PLPPR1: variants seen among roughly 807,000 people sequenced by gnomAD.
PLPPR1 encodes the protein phospholipid phosphatase-related protein type 1.
In PLPPR1, 10 loss-of-function variants were observed where a neutral mutation model predicts 33.1. The observed-to-expected ratio is 0.30, with a 90% confidence interval of 0.19 to 0.51. PLPPR1 has a LOEUF of 0.51. Among genes scored for constraint, PLPPR1 ranks in the 20% least tolerant of loss-of-function variants. PLPPR1 has a pLI of 0.97. For synonymous variants in PLPPR1, 151 were observed against 151.0 expected (o/e 1.00, Z 0.00); for missense variants, 304 against 408.1 (o/e 0.74, Z 2.20).
chr9:101,195,520 C>A (rs1488536189), intron 2 of PLPPR1, among the ~76,000 whole-genome samples: 1 of 151,964 alleles, frequency 6.6e-6, no homozygotes, highest in Non-Finnish European at 1.5e-5. Flanking sequence ...CTAAAGAGTT[C>A]AAGCAGAGAC....
intron 1 of PLPPR1, among the ~76,000 whole-genome samples, chr9:101,182,974 T>C (rs1212876701): frequency 6.6e-6 from 1 of 151,584 alleles, no homozygotes; most frequent in Admixed American, 6.6e-5. Context: ...ATAGCTATAA[T>C]AAAAAAGATA....
intron 1 of PLPPR1, among the ~76,000 whole-genome samples, chr9:101,029,726 C>A (rs1240353855): frequency 6.6e-6 from 1 of 152,074 alleles, no homozygotes; most frequent in Non-Finnish European, 1.5e-5. Flanking sequence ...CGGGTCAGTG[C>A]GGGGATAAAT....
At chr9:101,106,602 TTGGTGA>T (rs1361898016) in intron 1 of PLPPR1, among the ~76,000 whole-genome samples, 2 of 80,332 alleles carry the variant, frequency 2.5e-5, no homozygotes, top group Non-Finnish European at 4.5e-5. Flanking sequence ...CATTTCAACT[TTGGTGA>T]ATCTGACAAT....
intron 3 of PLPPR1, among the ~76,000 whole-genome samples, chr9:101,282,736 T>C (rs913526232): frequency 2.4e-4 from 36 of 152,208 alleles, no homozygotes; most frequent in African/African-American, 7.7e-4. Context: ...CAAAAATCAG[T>C]AGCATTTCTA....
intron 1 of PLPPR1, among the ~76,000 whole-genome samples, chr9:101,055,534 C>T (rs1365637590): frequency 6.6e-6 from 1 of 152,306 alleles, no homozygotes; most frequent in Non-Finnish European, 1.5e-5. Flanking sequence ...TTTATGCTTA[C>T]TCATTGTCTT....
intron 1 of PLPPR1, among the ~76,000 whole-genome samples, chr9:101,043,230 CTGT>C (rs1830100704): frequency 6.6e-6 from 1 of 151,722 alleles, no homozygotes; most frequent in South Asian, 2.1e-4. Flanking sequence ...GCTGCAAATG[CTGT>C]TATTTCATTC....
At chr9:101,199,958 T>C (rs1218493634) in intron 2 of PLPPR1, among the ~76,000 whole-genome samples, 2 of 152,160 alleles carry the variant, frequency 1.3e-5, no homozygotes, top group Non-Finnish European at 2.9e-5. Flanking sequence ...ATAAAGAACC[T>C]CACTGTGGGA....
intron 1 of PLPPR1, among the ~76,000 whole-genome samples, chr9:101,174,280 T>C (rs1825987986): frequency 1.3e-5 from 2 of 152,188 alleles, no homozygotes. Context: ...TTTTTAGATT[T>C]TTATTTTAGT....
At chr9:101,260,901 T>C (rs1827886581) in intron 2 of PLPPR1, among the ~76,000 whole-genome samples, 1 of 152,062 alleles carries the variant, frequency 6.6e-6, no homozygotes, top group South Asian at 2.1e-4. Flanking sequence ...AAAGCAACAA[T>C]GTTTTCAGAT....
chr9:101,190,510 G>T (rs905908445), intron 2 of PLPPR1, among the ~76,000 whole-genome samples: 1 of 152,132 alleles, frequency 6.6e-6, no homozygotes, highest in Admixed American at 6.6e-5. Flanking sequence ...GAATGCTGAT[G>T]TGCATTTTCT....
chr9:101,254,363 G>C (rs1250428749), intron 2 of PLPPR1, among the ~76,000 whole-genome samples: 1 of 152,006 alleles, frequency 6.6e-6, no homozygotes, highest in Admixed American at 6.6e-5. Flanking sequence ...TTCACAATAG[G>C]GTTCATGCTC....
chr9:101,125,529 C>G, intron 1 of PLPPR1: 1 of 406,436 alleles, frequency 2.5e-6, no homozygotes, highest in Non-Finnish European at 4.6e-6. Context: ...GGACCCAGCA[C>G]CAGATTGAAG....
Position 101,257,700 on chromosome 9 carries a change from A to G in PLPPR1, c.64-12180A>G, listed in dbSNP as rs368252718. Among the ~76,000 whole-genome samples, 234 of 152,294 alleles carry G rather than the reference A, an allele frequency of 1.5e-3. 1 individual carries two copies. Among genetic ancestry groups the G allele is most frequent in the African/African-American group, 5.0e-3 (209 of 41,584 alleles). ...ATATTCTGGTGATAGAAAACACATT[A>G]CATGCTCCCATCCTCAAATAATGAA... is the stretch of plus-strand genomic sequence containing the variant. On this transcript the variant is annotated intron_variant, in intron 2 of 7. Coordinates refer to ENST00000374874, the MANE Select transcript of PLPPR1 (RefSeq NM_207299.2).
intron 1 of PLPPR1, among the ~76,000 whole-genome samples, chr9:101,156,220 G>A (rs1286750962): frequency 6.6e-6 from 1 of 152,150 alleles, no homozygotes; most frequent in African/African-American, 2.4e-5. Context: ...TTCCGAGTTT[G>A]TTGTGGGTGG....
chr9:101,031,367 T>A (rs1039392044), intron 1 of PLPPR1, among the ~76,000 whole-genome samples: 32 of 152,218 alleles, frequency 2.1e-4, no homozygotes, highest in Non-Finnish European at 3.7e-4. Context: ...GGAAGTCATA[T>A]AAAATATGTA....
At chr9:101,053,999 C>A (rs889624385) in intron 1 of PLPPR1, among the ~76,000 whole-genome samples, 1 of 152,024 alleles carries the variant, frequency 6.6e-6, no homozygotes, top group Admixed American at 6.6e-5. Flanking sequence ...GCCTGGCCAA[C>A]ATAGTGAAAC....
intron 1 of PLPPR1, among the ~76,000 whole-genome samples, chr9:101,110,607 A>G (rs556018015): frequency 7.2e-5 from 11 of 152,274 alleles, no homozygotes; most frequent in African/African-American, 2.2e-4. Flanking sequence ...TAGTAAAATT[A>G]TCAAAAGGAT....
chr9:101,278,906 T>C (rs1473997456), intron 3 of PLPPR1, among the ~76,000 whole-genome samples: 1 of 152,200 alleles, frequency 6.6e-6, no homozygotes, highest in Non-Finnish European at 1.5e-5. Flanking sequence ...AGAACCAAGC[T>C]TAATGGCCTG....
intron 1 of PLPPR1, among the ~76,000 whole-genome samples, chr9:101,096,483 G>A (rs1295461422): frequency 6.6e-6 from 1 of 152,198 alleles, no homozygotes; most frequent in Non-Finnish European, 1.5e-5. Flanking sequence ...TGAAGCATAT[G>A]TATAAACATG....
Sources: allele counts gnomAD v4.1 joint callset (sites outside exome capture counted in the v4.1 genomes callset), GRCh38; gene constraint gnomAD v4.1.1; transcripts MANE v1.5; gene names NCBI Gene and HGNC (gene_info 2026-07-23, HGNC 2026-07-21).